Variants in IL17RE observed in about 807,000 individuals in gnomAD.
IL17RE encodes the protein interleukin 17 receptor E.
IL17RE carries 47 observed loss-of-function variants against 70.7 expected under a neutral mutation model. The ratio of observed to expected loss-of-function variants is 0.67; its 90% CI spans 0.53 to 0.85. The LOEUF is 0.85. IL17RE is among the 40% of genes least tolerant of loss of function. The probability of loss-of-function intolerance (pLI) is 0.00; values close to 1 mark genes in which losing one functional copy is unlikely to be tolerated. For missense variants in IL17RE, 850 were observed against 893.9 expected (o/e 0.95, Z 0.63); for synonymous variants, 372 against 381.2 (o/e 0.98, Z 0.28).
chr3:9,903,099 G>C (rs777760572), intron 1 of IL17RE, 35 bp downstream of exon 1: 123 of 1,572,074 alleles, frequency 7.8e-5, no homozygotes, highest in Non-Finnish European at 1.1e-4. Context: ...ACACCTGCCT[G>C]GCACAGCCAT....
intron 6 of IL17RE, 81 bp from the exon 7 acceptor site, chr3:9,908,158 C>T (rs1446403609): frequency 8.5e-7 from 1 of 1,176,610 alleles, no homozygotes; most frequent in East Asian, 2.3e-5. Flanking sequence ...TGGCCAAGAT[C>T]CCAGCACTGT....
intron 3 of IL17RE, among the ~76,000 whole-genome samples, chr3:9,905,111 A>AG: frequency 6.6e-6 from 1 of 151,010 alleles, no homozygotes; most frequent in South Asian, 2.1e-4. Context: ...AAAAAAAAAA[A>AG]AAAAAAAAGA....
chr3:9,903,594 C>A (rs912761584), intron 2 of IL17RE, among the ~76,000 whole-genome samples, 182 bp downstream of exon 2: 36 of 152,320 alleles, frequency 2.4e-4, no homozygotes, highest in African/African-American at 8.2e-4. Flanking sequence ...CGTGTGGCCT[C>A]AGACTGTGCA....
At chr3:9,910,752 A>T in intron 8 of IL17RE, 113 bp from the exon 9 acceptor site, 1 of 829,120 alleles carries the variant, frequency 1.2e-6, no homozygotes, top group Non-Finnish European at 1.9e-6. Flanking sequence ...TCTGGCCAGG[A>T]ATAGTGCTGG....
At position 9,915,218 on chromosome 3, in the gene IL17RE, G is replaced by A. The variant is rs368624416; in HGVS notation, c.1448-33G>A. 6.8e-4 allele frequency: 925 copies of A among 1,367,474 alleles called. 2 individuals are homozygous for A. The highest frequency in any genetic ancestry group is 4.7e-4 in the Non-Finnish European group (502 of 1,064,638). The allele number at this position is 1,367,474 out of a possible 1,614,324, so 84.7% of individuals were successfully genotyped here. ...AAGAGGGCTGAGCAGTCCCTCAGCC[G>A]CCCAGCCTTCATCTGTTGCTTCCCG... On this transcript the variant is annotated intron_variant, in intron 15 of 15. Coordinates refer to ENST00000383814, the MANE Select transcript of IL17RE (RefSeq NM_153480.2). The surrounding 1 kb of genome is among the most constrained non-coding windows in gnomAD (Gnocchi z 4.9).
At chr3:9,914,631 AG>A (rs2082970462) in intron 14 of IL17RE, 32 bp downstream of exon 14, 1 of 1,613,104 alleles carries the variant, frequency 6.2e-7, no homozygotes, top group Non-Finnish European at 8.5e-7. Context: ...GGTAAGAGGG[AG>A]GCTGGGCACT....
chr3:9,914,054 A>T (rs760134856), intron 13 of IL17RE, 30 bp downstream of exon 13: 2 of 1,568,014 alleles, frequency 1.3e-6, no homozygotes, highest in Admixed American at 3.3e-5. Context: ...CTCTACATAC[A>T]GAGCCTTGGC....
chr3:9,914,193 G>A (rs1055358891), intron 13 of IL17RE, among the ~76,000 whole-genome samples, 169 bp downstream of exon 13: 2 of 152,192 alleles, frequency 1.3e-5, no homozygotes, highest in African/African-American at 4.8e-5. Context: ...TGGATTTCTG[G>A]CCTCTGTTGA....
At chr3:9,906,091 G>C (rs1477453422) in intron 3 of IL17RE, among the ~76,000 whole-genome samples, 1 of 151,302 alleles carries the variant, frequency 6.6e-6, no homozygotes, top group East Asian at 2.0e-4. Flanking sequence ...CTCCACTAAA[G>C]ATACAAAATT....
chr3:9,905,391 G>T (rs1288645991), intron 3 of IL17RE, among the ~76,000 whole-genome samples: 2 of 152,062 alleles, frequency 1.3e-5, no homozygotes, highest in African/African-American at 4.8e-5. Context: ...AAGAGTTCAA[G>T]ACTGCAGTGA....
At chr3:9,902,603 G>T, upstream of IL17RE, 1 of 1,535,702 alleles carries the variant, frequency 6.5e-7, no homozygotes, top group South Asian at 1.2e-5. Context: ...TCAGGAGTAG[G>T]AGGGGCTAAG....
chr3:9,912,638 C>T (rs538456434), intron 12 of IL17RE, among the ~76,000 whole-genome samples: 2 of 152,352 alleles, frequency 1.3e-5, no homozygotes, highest in South Asian at 2.1e-4. Context: ...CTTAAATGCT[C>T]ACTTGCAGCT....
chr3:9,902,660 T>A, upstream of IL17RE: 1 of 1,536,110 alleles, frequency 6.5e-7, no homozygotes, highest in Non-Finnish European at 8.7e-7. Flanking sequence ...TCCTGTTACT[T>A]CTCACCCACA....
intron 12 of IL17RE, among the ~76,000 whole-genome samples, chr3:9,912,526 A>T (rs905896965): frequency 2.6e-5 from 4 of 152,218 alleles, no homozygotes; most frequent in African/African-American, 9.7e-5. Context: ...ACTTTATCAG[A>T]CTATCTTCCA....
chr3:9,911,390 A>T lies in IL17RE; in HGVS notation c.1073-53A>T, dbSNP rs555542614. The T allele has an allele frequency of 1.9e-6, 3 of 1,612,854 alleles. No individual in the cohort carries two copies. The East Asian group carries it at 6.7e-5, about 36-fold the overall frequency. ...AAGCTAAACCCCAGCCCAGCCCTGAATTCATCACCCAAAGCCCAACTCCTA... is the reference window on the plus strand; with the variant it reads ...AAGCTAAACCCCAGCCCAGCCCTGATTTCATCACCCAAAGCCCAACTCCTA... On this transcript the variant is annotated intron_variant, in intron 11 of 15. Transcript: ENST00000383814.
chr3:9,902,411 T>A (rs972616137), upstream of IL17RE, among the ~76,000 whole-genome samples: 3 of 152,142 alleles, frequency 2.0e-5, no homozygotes, highest in East Asian at 5.8e-4. Flanking sequence ...ATGTGCATCC[T>A]AGAGTGCTTT....
rs1298338987 is a variant in IL17RE at position 9,911,169 on chromosome 3, T to G, written c.1021T>G (p.Phe341Val). 1 of 1,614,216 alleles carries G rather than the reference T, an allele frequency of 6.2e-7. No homozygotes were observed. ...GGTGGACCTGCACCCCCAGCTCTGC[T>G]TCAAGGTACAACCATGGGTAAGAAA... ...EKVDLHPQLC[F>V]KFSFGNSSHV... The change falls in exon 10 of 16, where the codon TTC (phenylalanine) becomes GTC (valine). Residue 341 changes from phenylalanine (F) to valine (V), a missense_variant. Physicochemically the swap from Phe to Val is conservative, Grantham distance 50 (BLOSUM62 -1). Coordinates refer to ENST00000383814, the MANE Select transcript of IL17RE (RefSeq NM_153480.2).
At chr3:9,903,627 C>CA (rs1328435025) in intron 2 of IL17RE, among the ~76,000 whole-genome samples, 1 of 152,184 alleles carries the variant, frequency 6.6e-6, no homozygotes, top group Non-Finnish European at 1.5e-5. Flanking sequence ...AACTGACCCT[C>CA]AGTTTCTGAG....
Position 9,903,082 on chromosome 3 carries a change from G to C in IL17RE, c.132+18G>C, listed in dbSNP as rs751395559. 1.2e-6 allele frequency: 2 copies of C among 1,604,560 alleles called. No homozygotes were observed. The highest frequency in any genetic ancestry group is 2.2e-5 in the South Asian group (2 of 90,838). ...CCCACACGGTAAGGTGCTGCTGCCA[G>C]GTAGGGACACCTGCCTGGCACAGCC... On this transcript the variant is annotated intron_variant, in intron 1 of 15. Transcript: ENST00000383814.
Sources: allele counts gnomAD v4.1 joint callset (sites outside exome capture counted in the v4.1 genomes callset), GRCh38; gene constraint gnomAD v4.1.1; non-coding constraint Gnocchi (gnomAD v3.1); transcripts MANE v1.5; gene names NCBI Gene and HGNC (gene_info 2026-07-23, HGNC 2026-07-21).